Variants in MYO1D observed in about 807,000 individuals in gnomAD.
MYO1D encodes myosin ID, also known as unconventional myosin-Id.
Under a neutral mutation model 122.0 loss-of-function variants are expected in MYO1D, and 83 were observed. The ratio of observed to expected loss-of-function variants is 0.68; its 90% CI spans 0.57 to 0.82. The LOEUF is 0.82. Among genes scored for constraint, MYO1D ranks in the 40% least tolerant of loss-of-function variants. The probability of loss-of-function intolerance (pLI) is 0.00; values close to 1 mark genes in which losing one functional copy is unlikely to be tolerated. For synonymous variants in MYO1D, 464 were observed against 446.9 expected (o/e 1.04, Z -0.48); for missense variants, 1,157 against 1,269.5 (o/e 0.91, Z 1.35).
At chr17:32,535,566 T>G (rs774068376) in intron 21 of MYO1D, among the ~76,000 whole-genome samples, 1 of 152,102 alleles carries the variant, frequency 6.6e-6, no homozygotes, top group Non-Finnish European at 1.5e-5. Context: ...GCCAACATGG[T>G]GAAACCCCAT....
intron 14 of MYO1D, among the ~76,000 whole-genome samples, chr17:32,726,785 G>A (rs533634716): frequency 6.7e-6 from 1 of 150,074 alleles, no homozygotes; most frequent in African/African-American, 2.4e-5. Context: ...ATGTTATTTT[G>A]GTATATAATT....
At chr17:32,495,056 G>A in intron 21 of MYO1D, 141 bp from the exon 22 acceptor site, 2 of 1,079,924 alleles carry the variant, frequency 1.9e-6, no homozygotes, top group Non-Finnish European at 2.6e-6. Context: ...AAGGGCCCCA[G>A]AGAGGCCGAG....
chr17:32,787,931 C>A (rs1422963634), intron 1 of MYO1D, among the ~76,000 whole-genome samples: 1 of 152,184 alleles, frequency 6.6e-6, no homozygotes, highest in African/African-American at 2.4e-5. Context: ...TTATTTTGTT[C>A]CTTTTTATGG....
At chr17:32,818,638 T>A (rs974239285) in intron 1 of MYO1D, among the ~76,000 whole-genome samples, 7 of 152,226 alleles carry the variant, frequency 4.6e-5, no homozygotes, top group Non-Finnish European at 1.0e-4. Flanking sequence ...CAGCATAGGC[T>A]TTGTAGTCAG....
chr17:32,580,207 TATG>T (rs1400598538), intron 21 of MYO1D, among the ~76,000 whole-genome samples: 5 of 150,512 alleles, frequency 3.3e-5, no homozygotes, highest in Non-Finnish European at 7.4e-5. Context: ...CACCATTAAA[TATG>T]ATATTTGCTT....
intron 16 of MYO1D, among the ~76,000 whole-genome samples, chr17:32,707,019 T>A (rs2089317861): frequency 6.6e-6 from 1 of 152,070 alleles, no homozygotes. Context: ...ATTTTTTTTT[T>A]AAGAAACCCA....
intron 16 of MYO1D, among the ~76,000 whole-genome samples, chr17:32,670,320 T>C (rs1230745023): frequency 1.3e-5 from 2 of 152,192 alleles, no homozygotes; most frequent in Non-Finnish European, 2.9e-5. Flanking sequence ...AAAATATACA[T>C]GAAATATTTA....
intron 21 of MYO1D, among the ~76,000 whole-genome samples, chr17:32,521,418 G>A (rs928992789): frequency 2.6e-5 from 4 of 152,144 alleles, no homozygotes; most frequent in South Asian, 2.1e-4. Context: ...GTAAATTCCC[G>A]CATAATCAGG....
chr17:32,735,104 A>G, intron 14 of MYO1D, among the ~76,000 whole-genome samples: 1 of 151,458 alleles, frequency 6.6e-6, no homozygotes, highest in Admixed American at 6.6e-5. Context: ...ACACACACAC[A>G]CACACACACA....
At chr17:32,529,698 T>G (rs980443438) in intron 21 of MYO1D, 1 of 152,338 alleles carries the variant, frequency 6.6e-6, no homozygotes, top group African/African-American at 2.4e-5. Flanking sequence ...GATGCTAATG[T>G]GTTTCTATGG....
In MYO1D at chr17:32,738,150, A is replaced by G. The variant is rs565037064; in HGVS notation, c.1746+103T>C. 11 of 1,008,190 alleles carry G rather than the reference A, an allele frequency of 1.1e-5. No homozygotes were observed. The East Asian group carries it at 2.9e-4, about 27-fold the overall frequency. The allele number at this position is 1,008,190 out of a possible 1,614,324, so 62.5% of individuals were successfully genotyped here. A position where few individuals can be genotyped will look rare whatever the true frequency, so the allele number is the denominator to read the frequency against. On this transcript the variant is annotated intron_variant, in intron 14 of 21. Transcript: ENST00000318217. The stretch of plus-strand genomic sequence containing the variant: ...ACATTCACTTTATACATATTCTTCA[A>G]TCTACATGATTACCTAAAAAGCAAA...
intron 15 of MYO1D, among the ~76,000 whole-genome samples, chr17:32,717,549 A>G (rs1169579581): frequency 6.6e-6 from 1 of 152,250 alleles, no homozygotes; most frequent in Non-Finnish European, 1.5e-5. Context: ...CAGAGGGTCT[A>G]TGAGTAATAA....
chr17:32,622,755 C>T (rs764497975), intron 20 of MYO1D, among the ~76,000 whole-genome samples: 3 of 152,164 alleles, frequency 2.0e-5, no homozygotes, highest in Admixed American at 6.6e-5. Context: ...GGGCAAAGAG[C>T]AGTTTCTAAT....
intron 16 of MYO1D, among the ~76,000 whole-genome samples, chr17:32,704,742 T>A (rs992039170): frequency 3.3e-5 from 5 of 152,150 alleles, no homozygotes. Flanking sequence ...AACGCCTAAA[T>A]GCCTGGTAAT....
intron 15 of MYO1D, among the ~76,000 whole-genome samples, chr17:32,713,568 G>A (rs535374353): frequency 6.6e-6 from 1 of 152,210 alleles, no homozygotes; most frequent in South Asian, 2.1e-4. Flanking sequence ...AGAATTCAGT[G>A]AATAAACAAT....
chr17:32,772,724 A>T, intron 5 of MYO1D, 65 bp downstream of exon 5: 2 of 1,348,564 alleles, frequency 1.5e-6, no homozygotes, highest in Non-Finnish European at 1.1e-6. Context: ...AAAGCCCAAG[A>T]CACAAATACT....
At chr17:32,602,734 A>G (rs2087576666) in intron 21 of MYO1D, 1 of 152,150 alleles carries the variant, frequency 6.6e-6, no homozygotes, top group African/African-American at 2.4e-5. Flanking sequence ...CTTTAGGGAA[A>G]TTATCTGGAA....
intron 6 of MYO1D, 118 bp from the exon 7 acceptor site, chr17:32,767,870 T>C (rs1384335967): frequency 1.2e-5 from 8 of 656,536 alleles, no homozygotes; most frequent in Non-Finnish European, 2.1e-5. Flanking sequence ...CTTGAGGGGA[T>C]GGTGAGTCTC....
rs990855537 is a variant in MYO1D, at chr17:32,507,403, C to CA, written c.2865-12489dup. Among the ~76,000 whole-genome samples the CA allele has an allele frequency of 5.9e-5, 9 of 152,050 alleles. 2 individuals carry two copies. The highest frequency in any genetic ancestry group is 2.4e-5 in the African/African-American group (1 of 41,472). ...TGGGTGACAGAGCGAGACCCTATCT[C>CA]AAAAAAACTCCCCCAAAAACAAAAA... On this transcript the variant is annotated intron_variant, in intron 21 of 21. Transcript: ENST00000318217.
Sources: gnomAD v4.1 joint callset for allele counts (sites outside exome capture counted in the v4.1 genomes callset) on GRCh38, gnomAD v4.1.1 for gene constraint, MANE v1.5 for transcripts, NCBI Gene and HGNC (gene_info 2026-07-23, HGNC 2026-07-21) for gene names.